The following COL22A1 variants were observed in gnomAD, a reference collection of about 807,000 sequenced individuals.
COL22A1 encodes collagen type XXII alpha 1 chain.
In COL22A1, 221 loss-of-function variants were observed where a neutral mutation model predicts 248.9. That is an observed-to-expected ratio of 0.89 (90% CI 0.80 to 0.99). The LOEUF is 0.99. COL22A1 is among the 50% of genes least tolerant of loss of function. The probability of loss-of-function intolerance (pLI) is 0.00; values close to 1 mark genes in which losing one functional copy is unlikely to be tolerated. For missense variants in COL22A1, 2,240 were observed against 2,179.0 expected (o/e 1.03, Z -0.56); for synonymous variants, 891 against 793.4 (o/e 1.12, Z -2.07).
intron 22 of COL22A1, among the ~76,000 whole-genome samples, chr8:138,740,545 C>T (rs1831472436): frequency 6.6e-6 from 1 of 152,122 alleles, no homozygotes; most frequent in Non-Finnish European, 1.5e-5. Flanking sequence ...AAGTTGACAA[C>T]AGGACTTGTA....
intron 23 of COL22A1, among the ~76,000 whole-genome samples, chr8:138,725,972 G>T (rs1183542958): frequency 6.6e-6 from 1 of 152,176 alleles, no homozygotes; most frequent in Non-Finnish European, 1.5e-5. Context: ...ACTTGTGAAG[G>T]TTCCCCCGTG....
chr8:138,623,260 T>TATATA (rs1564109173), intron 52 of COL22A1, among the ~76,000 whole-genome samples: 3 of 52,452 alleles, frequency 5.7e-5, no homozygotes, highest in African/African-American at 2.0e-4. Context: ...ATATATATAT[T>TATATA]TATGTGTGTG....
rs529383241 is a variant in COL22A1 at position 138,669,401 on chromosome 8, G to A, written c.3151-5661C>T. Reference sequence around the variant, plus strand: ...GCAGTGTCTGGCCTTTCCCATGTCCGGTACCAAGAAGCCTTTCTTGTGCTG... The same window carrying A: ...GCAGTGTCTGGCCTTTCCCATGTCCAGTACCAAGAAGCCTTTCTTGTGCTG... On this transcript the variant is annotated intron_variant, in intron 41 of 64. Coordinates refer to ENST00000303045, the MANE Select transcript of COL22A1 (RefSeq NM_152888.3). Among the ~76,000 whole-genome samples the A allele has an allele frequency of 1.3e-3, 194 of 152,160 alleles. 2 individuals carry two copies. Among genetic ancestry groups the A allele is most frequent in the Non-Finnish European group, 2.5e-3 (168 of 68,022 alleles).
chr8:138,840,475 C>A (rs1286312721), intron 4 of COL22A1, among the ~76,000 whole-genome samples: 2 of 151,940 alleles, frequency 1.3e-5, no homozygotes, highest in Non-Finnish European at 2.9e-5. Flanking sequence ...TTGAAAGGAT[C>A]CTCCACATAT....
intron 56 of COL22A1, among the ~76,000 whole-genome samples, chr8:138,608,595 C>G (rs979528913): frequency 6.6e-6 from 1 of 152,186 alleles, no homozygotes; most frequent in African/African-American, 2.4e-5. Flanking sequence ...TCTCTAACTT[C>G]ACAGAGATAT....
intron 12 of COL22A1, among the ~76,000 whole-genome samples, chr8:138,796,389 C>CTTTTTTTTT (rs11284610): frequency 2.0e-3 from 53 of 26,320 alleles, no homozygotes; most frequent in Non-Finnish European, 2.3e-3. Flanking sequence ...TGCTACTTTC[C>CTTTTTTTTT]TTTTTTTTTT....
At chr8:138,785,356 G>A (rs1419820499) in intron 12 of COL22A1, among the ~76,000 whole-genome samples, 1 of 152,074 alleles carries the variant, frequency 6.6e-6, no homozygotes, top group Non-Finnish European at 1.5e-5. Flanking sequence ...GGCAAATGAT[G>A]ATGTCCATTT....
intron 55 of COL22A1, among the ~76,000 whole-genome samples, chr8:138,615,249 G>C (rs771305330): frequency 2.4e-4 from 37 of 152,128 alleles, no homozygotes; most frequent in Non-Finnish European, 4.9e-4. Context: ...CCCTTGTTCT[G>C]GCCTGGCACA....
intron 12 of COL22A1, among the ~76,000 whole-genome samples, chr8:138,792,593 A>G (rs1013874356): frequency 2.6e-5 from 4 of 152,250 alleles, no homozygotes; most frequent in African/African-American, 4.8e-5. Flanking sequence ...AATGGGACTA[A>G]CCAGGAGAAT....
chr8:138,593,690 C>CT (rs1330817428), intron 63 of COL22A1, among the ~76,000 whole-genome samples: 1 of 152,102 alleles, frequency 6.6e-6, no homozygotes, highest in East Asian at 1.9e-4. Context: ...GATTAAATGT[C>CT]TTATTCCTCA....
chr8:138,793,008 G>A (rs1816199186), intron 12 of COL22A1, among the ~76,000 whole-genome samples: 1 of 152,170 alleles, frequency 6.6e-6, no homozygotes, highest in Admixed American at 6.5e-5. Context: ...TCTTAATGAT[G>A]GGAGAGTAAG....
intron 54 of COL22A1, among the ~76,000 whole-genome samples, chr8:138,616,532 T>C (rs550397180): frequency 2.1e-3 from 315 of 152,320 alleles, no homozygotes; most frequent in African/African-American, 5.6e-3. Flanking sequence ...AGTGATGCTT[T>C]CCATTTATAA....
intron 9 of COL22A1, 22 bp downstream of exon 9, chr8:138,811,777 G>A: frequency 1.3e-6 from 2 of 1,588,248 alleles, no homozygotes; most frequent in Middle Eastern, 2.0e-4. Context: ...TGCTGGGGCT[G>A]AAGGTGGACT....
chr8:138,747,660 G>C (rs12543947), intron 22 of COL22A1, among the ~76,000 whole-genome samples: 125,517 of 152,162 alleles, frequency 0.82, 51,898 homozygotes, highest in East Asian at 1. Context: ...GCTATTTCAT[G>C]TCTTTCCCCC....
At chr8:138,756,568 A>G (rs989181306) in intron 18 of COL22A1, among the ~76,000 whole-genome samples, 2 of 152,184 alleles carry the variant, frequency 1.3e-5, no homozygotes, top group Non-Finnish European at 1.5e-5. Context: ...ACGTAGGGAC[A>G]TAACTTTTCC....
intron 3 of COL22A1, among the ~76,000 whole-genome samples, chr8:138,869,593 C>G (rs1382948842): frequency 6.6e-6 from 1 of 152,198 alleles, no homozygotes; most frequent in East Asian, 1.9e-4. Context: ...GAAGTACACA[C>G]ATTTAAAACA....
chr8:138,794,003 G>A (rs373508360), intron 12 of COL22A1, among the ~76,000 whole-genome samples: 11 of 152,266 alleles, frequency 7.2e-5, no homozygotes, highest in East Asian at 3.9e-4. Context: ...CGGAAGTCCC[G>A]GATCCTGATT....
At chr8:138,840,875 G>T (rs1044912721) in intron 4 of COL22A1, among the ~76,000 whole-genome samples, 1 of 152,142 alleles carries the variant, frequency 6.6e-6, no homozygotes, top group Non-Finnish European at 1.5e-5. Context: ...GCTTCCCAAA[G>T]CTCTAGTATC....
chr8:138,766,300 A>C (rs931046277), intron 16 of COL22A1, among the ~76,000 whole-genome samples: 2 of 152,218 alleles, frequency 1.3e-5, no homozygotes, highest in African/African-American at 4.8e-5. Context: ...ACCTGGGGGC[A>C]GCAGTCTGCA....
Sources: allele counts gnomAD v4.1 joint callset (sites outside exome capture counted in the v4.1 genomes callset), GRCh38; gene constraint gnomAD v4.1.1; transcripts MANE v1.5; gene names NCBI Gene and HGNC (gene_info 2026-07-23, HGNC 2026-07-21).